The following DOP1A variants were observed in gnomAD, a reference collection of about 807,000 sequenced individuals.
The protein encoded by DOP1A is DOP1 leucine zipper like protein A.
In DOP1A, 90 loss-of-function variants were observed where a neutral mutation model predicts 267.6. The ratio of observed to expected loss-of-function variants is 0.34; its 90% confidence interval spans 0.28 to 0.40. The LOEUF is 0.40. Among genes scored for constraint, DOP1A ranks in the 10% least tolerant of loss-of-function variants. DOP1A has a pLI of 1.00. For synonymous variants in DOP1A, 932 were observed against 999.1 expected, an observed-to-expected ratio of 0.93 and a Z score of 1.27; for missense variants, 2,437 against 2,900.4, an observed-to-expected ratio of 0.84 and a Z score of 3.67.
downstream of DOP1A, chr6:83,168,731 A>G: frequency 4.0e-6 from 4 of 997,646 alleles, no homozygotes; most frequent in Non-Finnish European, 1.2e-6. Flanking sequence ...CATACCTCTG[A>G]GTTCCTGATG....
intron 6 of DOP1A, among the ~76,000 whole-genome samples, chr6:83,111,407 A>C (rs1774538078): frequency 6.6e-6 from 1 of 151,302 alleles, no homozygotes. Context: ...GCCATTTCCA[A>C]GTTTTTTGGT....
intron 33 of DOP1A, among the ~76,000 whole-genome samples, 175 bp from the exon 34 acceptor site, chr6:83,155,776 C>T (rs1015156035): frequency 1.3e-5 from 2 of 152,194 alleles, no homozygotes; most frequent in Admixed American, 1.3e-4. Context: ...GGTCCTCTGG[C>T]TTATATACGT....
downstream of DOP1A, chr6:83,169,850 G>A (rs1281193674): frequency 6.6e-6 from 3 of 456,250 alleles, no homozygotes; most frequent in Non-Finnish European, 1.3e-5. Flanking sequence ...CCCTGTCAGG[G>A]AAACAGGCAC....
chr6:83,152,070 A>G, intron 29 of DOP1A, 43 bp downstream of exon 29: 1 of 1,606,054 alleles, frequency 6.2e-7, no homozygotes, highest in Non-Finnish European at 8.5e-7. Flanking sequence ...GTAAGCAGGC[A>G]TATATTTACT....
intron 1 of DOP1A, among the ~76,000 whole-genome samples, chr6:83,080,721 A>C (rs925985337): frequency 1.4e-4 from 22 of 152,132 alleles, no homozygotes; most frequent in African/African-American, 5.1e-4. Context: ...TTTTCTAGGG[A>C]GGAATAGATT....
chr6:83,114,635 A>C (rs2128192019), intron 7 of DOP1A, among the ~76,000 whole-genome samples: 1 of 152,298 alleles, frequency 6.6e-6, no homozygotes, highest in East Asian at 1.9e-4. Context: ...CAATTGACAG[A>C]TGTCTCAACA....
chr6:83,144,758 G>A (rs972947417), intron 24 of DOP1A, among the ~76,000 whole-genome samples: 6 of 152,010 alleles, frequency 3.9e-5, no homozygotes, highest in Non-Finnish European at 8.8e-5. Context: ...TTATTTAGAC[G>A]TAATGGAAAA....
chr6:83,166,618 A>G (rs973357650), intron 38 of DOP1A: 1 of 764,756 alleles, frequency 1.3e-6, no homozygotes, highest in Non-Finnish European at 1.9e-6. Context: ...TTATTTAAGA[A>G]TGTACTCCAA....
chr6:83,104,768 C>G (rs1052971737), intron 4 of DOP1A, among the ~76,000 whole-genome samples: 17 of 151,994 alleles, frequency 1.1e-4, no homozygotes, highest in African/African-American at 4.1e-4. Context: ...ATACTGTTAT[C>G]TTTGTAGCAT....
intron 4 of DOP1A, among the ~76,000 whole-genome samples, chr6:83,101,746 T>C (rs1456348215): frequency 2.0e-5 from 3 of 152,198 alleles, no homozygotes; most frequent in African/African-American, 4.8e-5. Flanking sequence ...TATTTTTTAT[T>C]TTAAATTTTA....
At chr6:83,112,138 C>T (rs1774656177) in intron 6 of DOP1A, among the ~76,000 whole-genome samples, 1 of 151,952 alleles carries the variant, frequency 6.6e-6, no homozygotes, top group African/African-American at 2.4e-5. Context: ...ACAAATGACA[C>T]ACATGGAAAA....
rs565721740 is a variant in DOP1A at position 83,142,372 on chromosome 6, G to A, written c.5541+326G>A. 1.8e-4 allele frequency among the ~76,000 whole-genome samples: 28 copies of A among 152,172 alleles called. No homozygotes were observed. The East Asian group carries it at 5.0e-3, about 27-fold the overall frequency. ...AAAATACAAAAATTAGCCAGGCATGGTGGCACACGCCTGTAGTCCCAGGTA... is the reference window on the plus strand; with the variant it reads ...AAAATACAAAAATTAGCCAGGCATGATGGCACACGCCTGTAGTCCCAGGTA... On this transcript the variant is annotated intron_variant, in intron 24 of 38. Coordinates refer to ENST00000349129, the MANE Select transcript of DOP1A (RefSeq NM_015018.4).
intron 1 of DOP1A, among the ~76,000 whole-genome samples, chr6:83,081,348 C>G (rs1038827554): frequency 1.3e-5 from 2 of 152,080 alleles, no homozygotes; most frequent in African/African-American, 2.4e-5. Context: ...CTCAAGTGAT[C>G]CACCCACCTC....
Position 83,072,531 on chromosome 6 carries a change from A to G in DOP1A, c.-147+4752A>G, listed in dbSNP as rs6454315. On this transcript the variant is annotated intron_variant, in intron 1 of 38. Coordinates refer to ENST00000349129, the MANE Select transcript of DOP1A (RefSeq NM_015018.4). ...ATCTTGGATGCATAGCATTTATTTC[A>G]CAAACAAGTGGTTTCTTTCCTGCTT... Among the ~76,000 whole-genome samples, 364 of 152,316 alleles carry G rather than the reference A, an allele frequency of 2.4e-3. 1 individual carries two copies. Among genetic ancestry groups the G allele is most frequent in the African/African-American group, 8.4e-3 (351 of 41,566 alleles).
chr6:83,139,901 ATCT>A, intron 21 of DOP1A, 96 bp from the exon 22 acceptor site: 1 of 720,646 alleles, frequency 1.4e-6, no homozygotes, highest in East Asian at 2.7e-5. Flanking sequence ...TTTATTGCAC[ATCT>A]TCTGTGTACC....
chr6:83,158,711 T>C (rs1783440104), intron 36 of DOP1A, 89 bp downstream of exon 36: 1 of 846,636 alleles, frequency 1.2e-6, no homozygotes, highest in Non-Finnish European at 1.9e-6. Context: ...GAATATAGTC[T>C]TTTTCTGAAT....
intron 8 of DOP1A, 93 bp from the exon 9 acceptor site, chr6:83,119,655 A>T: frequency 3.3e-6 from 3 of 906,160 alleles, no homozygotes; most frequent in Non-Finnish European, 5.3e-6. Flanking sequence ...GTAAGTGTTT[A>T]GTGCTGTTCT....
chr6:83,138,026 T>A lies in DOP1A; in HGVS notation c.3984T>A (p.Gly1328=). 1 of 1,610,280 alleles carries A rather than the reference T, an allele frequency of 6.2e-7. No homozygotes were observed. Among genetic ancestry groups the A allele is most frequent in the Non-Finnish European group, 8.5e-7 (1 of 1,178,576 alleles). The change falls in exon 21 of 39, where the codon GGT becomes GGA. Residue 1328 remains glycine (G), a synonymous_variant. Transcript: ENST00000349129. ...AAACCAGTGTATTCTTCAGTGATGG[T>A]CTGGATTTAGAGAACTGGTATAGCT... The part of the protein sequence containing the change: ...LKQTSVFFSD[G]LDLENWYSCG...
intron 25 of DOP1A, among the ~76,000 whole-genome samples, chr6:83,146,004 C>G (rs919884652): frequency 3.9e-5 from 6 of 152,182 alleles, no homozygotes; most frequent in Non-Finnish European, 7.4e-5. Flanking sequence ...TGCCATTTTT[C>G]ATAGCTTCTT....
Sources: allele counts gnomAD v4.1 joint callset (sites outside exome capture counted in the v4.1 genomes callset), GRCh38; gene constraint gnomAD v4.1.1; transcripts MANE v1.5; gene names NCBI Gene and HGNC (gene_info 2026-07-23, HGNC 2026-07-21).